Variants in CACNA1A observed in about 807,000 individuals in gnomAD.
CACNA1A encodes the protein voltage-dependent P/Q-type calcium channel subunit alpha-1A.
Under a neutral mutation model 262.4 loss-of-function variants are expected in CACNA1A, and 57 were observed. The observed-to-expected ratio is 0.22, with a 90% confidence interval of 0.18 to 0.27. The LOEUF is 0.27. Among genes scored for constraint, CACNA1A ranks in the 10% least tolerant of loss-of-function variants. The pLI is 1.00. For synonymous variants in CACNA1A, 1,431 were observed against 1,419.3 expected (o/e 1.01, Z -0.18); for missense variants, 2,526 against 3,562.8 (o/e 0.71, Z 7.41).
intron 28 of CACNA1A, among the ~76,000 whole-genome samples, chr19:13,255,992 CCTTTT>C (rs1358985167): frequency 5.4e-5 from 7 of 130,730 alleles, no homozygotes; most frequent in African/African-American, 1.9e-4. Context: ...CTCCCTCCTT[CCTTTT>C]TTTTTTTTTT....
rs2054869318 is a variant in CACNA1A at position 13,212,865 on chromosome 19, C to T, written c.5941-125G>A. 1 of 494,130 alleles carries T rather than the reference C, an allele frequency of 2.0e-6. No homozygotes were observed. The highest frequency in any genetic ancestry group is 4.2e-5 in the South Asian group (1 of 24,010). 30.6% of individuals were successfully genotyped at this position (494,130 alleles called of 1,614,324 possible). A position where few individuals can be genotyped will look rare whatever the true frequency, so the allele number is the denominator to read the frequency against. On this transcript the variant is annotated intron_variant, in intron 40 of 46. Coordinates refer to ENST00000360228, the MANE Select transcript of CACNA1A (RefSeq NM_001127222.2). This position sits in a 1 kb window ranked among gnomAD's most constrained non-coding sequence, Gnocchi z 5.6. ...ACACACACACTCTCTCAGGTCTCAT[C>T]CATCTAGACCCTTCCAATTCCACGC... is the stretch of plus-strand genomic sequence containing the variant.
At chr19:13,433,840 G>C (rs1420575159) in intron 3 of CACNA1A, among the ~76,000 whole-genome samples, 3 of 152,122 alleles carry the variant, frequency 2.0e-5, no homozygotes, top group Non-Finnish European at 4.4e-5. Flanking sequence ...CCATCCCCTG[G>C]GAACTAAGTC....
At chr19:13,279,922 C>T (rs753763931) in intron 22 of CACNA1A, among the ~76,000 whole-genome samples, 1 of 151,992 alleles carries the variant, frequency 6.6e-6, no homozygotes, top group African/African-American at 2.4e-5. Context: ...GATTCTTGTG[C>T]TTCAGCCTCC....
At chr19:13,242,789 G>T (rs998820187) in intron 31 of CACNA1A, among the ~76,000 whole-genome samples, 10 of 152,298 alleles carry the variant, frequency 6.6e-5, no homozygotes, top group Middle Eastern at 3.4e-3. Flanking sequence ...ATCACTGTGA[G>T]TCTTGCAAGT....
chr19:13,306,846 T>C (rs1370320681), intron 15 of CACNA1A, among the ~76,000 whole-genome samples: 1 of 152,210 alleles, frequency 6.6e-6, no homozygotes, highest in East Asian at 1.9e-4. Context: ...TTCCGTCCCA[T>C]GGAAACCACA....
At chr19:13,504,478 C>A (rs3926948) in intron 1 of CACNA1A, among the ~76,000 whole-genome samples, 110,295 of 151,954 alleles carry the variant, frequency 0.73, 41,036 homozygotes, top group African/African-American at 0.9. Flanking sequence ...AGGATCCAAG[C>A]GCCAGGCTCG....
At chr19:13,285,040 C>G in intron 21 of CACNA1A, 28 bp downstream of exon 21, 1 of 1,613,718 alleles carries the variant, frequency 6.2e-7, no homozygotes. Flanking sequence ...CCCAGGCCCC[C>G]CCTGCCCTTG....
chr19:13,350,839 C>A (rs561115230), intron 6 of CACNA1A, among the ~76,000 whole-genome samples: 70 of 152,118 alleles, frequency 4.6e-4, no homozygotes, highest in African/African-American at 1.7e-3. Context: ...CATGTCTCTA[C>A]CAAAAAAATA....
chr19:13,504,279 T>G (rs1982751584), intron 1 of CACNA1A, among the ~76,000 whole-genome samples: 2 of 152,132 alleles, frequency 1.3e-5, no homozygotes, highest in South Asian at 4.1e-4. Flanking sequence ...AACCAGCCTC[T>G]TTAAGAGTCT....
intron 1 of CACNA1A, among the ~76,000 whole-genome samples, chr19:13,467,388 C>T (rs977968448): frequency 2.0e-5 from 3 of 151,794 alleles, no homozygotes; most frequent in Non-Finnish European, 2.9e-5. Context: ...GGCTGAGGCA[C>T]GAGGATCACT....
At chr19:13,363,752 C>T (rs1025626111) in intron 5 of CACNA1A, 2 of 152,198 alleles carry the variant, frequency 1.3e-5, no homozygotes, top group African/African-American at 4.8e-5. Flanking sequence ...CTGGGTTCCC[C>T]TTTGGGCTTC....
At chr19:13,380,158 T>A (rs113208754) in intron 3 of CACNA1A, among the ~76,000 whole-genome samples, 3,445 of 124,588 alleles carry the variant, frequency 0.028, 132 homozygotes, top group African/African-American at 0.1. Context: ...GTGGCGGGTG[T>A]CTGTAGTCCC....
chr19:13,252,892 G>C (rs1401038146), intron 30 of CACNA1A, 99 bp downstream of exon 30: 3 of 718,004 alleles, frequency 4.2e-6, no homozygotes, highest in Non-Finnish European at 7.1e-6. Context: ...CTTGAGGTTG[G>C]GGTTCTTGGG....
At position 13,207,152 on chromosome 19, in the gene CACNA1A, AC is replaced by A. The variant is rs1445151708; in HGVS notation, c.*160del. 2.6e-6 allele frequency: 2 copies of A among 758,804 alleles called. No homozygotes were observed. The highest frequency in any genetic ancestry group is 3.8e-6 in the Non-Finnish European group (2 of 520,010). The allele number at this position is 758,804 out of a possible 1,614,324, so 47.0% of individuals were successfully genotyped here. A position where few individuals can be genotyped will look rare whatever the true frequency, so the allele number is the denominator to read the frequency against. ...TTTTGGCCGAGGGTCTCTGCGGGAC[AC>A]CCTTGTGGCCCAGCCCTGGCCTCTC... On this transcript the variant is annotated 3_prime_UTR_variant, in exon 47 of 47. Transcript: ENST00000360228. This position sits in a 1 kb window ranked among gnomAD's most constrained non-coding sequence, Gnocchi z 5.7.
At chr19:13,262,499 C>T (rs759077446) in intron 25 of CACNA1A, 1 of 496,350 alleles carries the variant, frequency 2.0e-6, no homozygotes, top group Non-Finnish European at 3.6e-6. Flanking sequence ...AGGATCTTAA[C>T]CCCAAGACAC....
intron 36 of CACNA1A, among the ~76,000 whole-genome samples, chr19:13,228,389 A>G (rs1056779904): frequency 6.6e-6 from 1 of 151,658 alleles, no homozygotes; most frequent in Admixed American, 6.6e-5. Context: ...GCAAAGTTAC[A>G]ATCCCCCAGG....
intron 3 of CACNA1A, among the ~76,000 whole-genome samples, chr19:13,432,691 T>A (rs1293631401): frequency 1.3e-5 from 2 of 152,132 alleles, no homozygotes; most frequent in Non-Finnish European, 2.9e-5. Flanking sequence ...CAACATAAGG[T>A]ATTGTATATT....
intron 19 of CACNA1A, among the ~76,000 whole-genome samples, chr19:13,291,759 A>G (rs2057544813): frequency 6.6e-6 from 1 of 151,564 alleles, no homozygotes; most frequent in Admixed American, 6.6e-5. Context: ...GTGAGCTATG[A>G]TTGTGCCACT....
Position 13,452,856 on chromosome 19 carries a change from G to GTA in CACNA1A, c.539+18_539+19dup. On this transcript the variant is annotated intron_variant, in intron 3 of 46. Transcript: ENST00000360228. ...TCCTTCAGCTAGTTAAATCCAAAGC[G>GTA]TATAGCACGCGCCACTTACCCCGTT... The GTA allele has an allele frequency of 6.2e-7, 1 of 1,610,584 alleles. No homozygotes were observed. The highest frequency in any genetic ancestry group is 8.5e-7 in the Non-Finnish European group (1 of 1,177,638).
Sources: gnomAD v4.1 joint callset for allele counts (sites outside exome capture counted in the v4.1 genomes callset) on GRCh38, gnomAD v4.1.1 for gene constraint, Gnocchi (gnomAD v3.1) non-coding constraint, MANE v1.5 for transcripts, NCBI Gene and HGNC (gene_info 2026-07-23, HGNC 2026-07-21) for gene names.